TUSC3: variants seen among roughly 807,000 people sequenced by gnomAD.
TUSC3 encodes dolichyl-diphosphooligosaccharide--protein glycosyltransferase subunit TUSC3.
A neutral mutation model predicts 44.8 loss-of-function variants in TUSC3; 45 were observed. The ratio of observed to expected loss-of-function variants is 1.00; its 90% confidence interval spans 0.79 to 1.29. TUSC3 has a LOEUF of 1.29. Ranked by LOEUF, TUSC3 falls within the 50% of genes most tolerant of loss-of-function variation. TUSC3 has a pLI of 0.00. For synonymous variants in TUSC3, 212 were observed against 152.9 expected, an observed-to-expected ratio of 1.39 and a Z score of -2.85; for missense variants, 519 against 437.9, an observed-to-expected ratio of 1.19 and a Z score of -1.65.
chr8:15,440,191 G>A (rs1442780677), intron 1 of TUSC3, among the ~76,000 whole-genome samples: 1 of 152,220 alleles, frequency 6.6e-6, no homozygotes, highest in Non-Finnish European at 1.5e-5. Context: ...GGGCTGAAAG[G>A]TGAACAGAAG....
intron 1 of TUSC3, among the ~76,000 whole-genome samples, chr8:15,471,619 ATT>A (rs35294089): frequency 5.6e-5 from 8 of 142,748 alleles, no homozygotes; most frequent in Admixed American, 7.0e-5. Context: ...TCCAGTTCTG[ATT>A]TTTTTTTTTT....
At chr8:15,666,669 A>G (rs534662045) in intron 5 of TUSC3, among the ~76,000 whole-genome samples, 2 of 151,372 alleles carry the variant, frequency 1.3e-5, no homozygotes, top group Non-Finnish European at 3.0e-5. Context: ...AACTTTTAGT[A>G]TATACATATA....
intron 1 of TUSC3, among the ~76,000 whole-genome samples, chr8:15,591,070 A>G (rs919978893): frequency 1.3e-5 from 2 of 152,190 alleles, no homozygotes; most frequent in African/African-American, 4.8e-5. Context: ...GATGCTTGGC[A>G]TATAGGAGGT....
intron 1 of TUSC3, among the ~76,000 whole-genome samples, chr8:15,608,110 C>G (rs1304230052): frequency 6.6e-6 from 1 of 152,132 alleles, no homozygotes; most frequent in Non-Finnish European, 1.5e-5. Context: ...TTAATTAGCA[C>G]TATATTCACA....
intron 1 of TUSC3, among the ~76,000 whole-genome samples, chr8:15,437,282 A>G (rs1450139593): frequency 6.6e-6 from 1 of 152,212 alleles, no homozygotes; most frequent in Non-Finnish European, 1.5e-5. Flanking sequence ...ATTTCATCAG[A>G]TAAAAGCAAA....
the TUSC3 span, among the ~76,000 whole-genome samples, chr8:15,783,352 T>C: frequency 6.1e-3 from 930 of 152,282 alleles, 9 homozygotes; most frequent in African/African-American, 0.021. Context: ...GTGTCATTTT[T>C]CACAGAAATA....
chr8:15,643,619 A>C (rs1806486194), intron 2 of TUSC3, among the ~76,000 whole-genome samples: 3 of 152,202 alleles, frequency 2.0e-5, no homozygotes, highest in Admixed American at 2.0e-4. Context: ...AACAGCTTTA[A>C]GAAACACAAC....
At chr8:15,499,279 C>G (rs978670716) in intron 2 of TUSC3, among the ~76,000 whole-genome samples, 3 of 152,148 alleles carry the variant, frequency 2.0e-5, no homozygotes, top group African/African-American at 4.8e-5. Context: ...TCCTTATCAA[C>G]ATTTACTTTT....
intron 1 of TUSC3, among the ~76,000 whole-genome samples, chr8:15,595,081 C>G (rs375661550): frequency 1.3e-5 from 2 of 152,158 alleles, no homozygotes; most frequent in Non-Finnish European, 2.9e-5. Flanking sequence ...CCACCAGTCC[C>G]TCCCTTTCTC....
intron 2 of TUSC3, among the ~76,000 whole-genome samples, chr8:15,484,960 T>A (rs1400406017): frequency 6.6e-6 from 1 of 152,220 alleles, no homozygotes; most frequent in Non-Finnish European, 1.5e-5. Flanking sequence ...CTTTGGTTAT[T>A]TTCTTCTCAC....
chr8:15,436,609 A>G (rs1226460400), intron 1 of TUSC3, among the ~76,000 whole-genome samples: 1 of 152,224 alleles, frequency 6.6e-6, no homozygotes, highest in Non-Finnish European at 1.5e-5. Context: ...TATGTTAATC[A>G]TGGGTTCAGA....
chr8:15,610,747 A>G (rs13256256), intron 1 of TUSC3, among the ~76,000 whole-genome samples: 4 of 152,192 alleles, frequency 2.6e-5, no homozygotes, highest in African/African-American at 9.6e-5. Context: ...ATTAGAGCGT[A>G]AAAGTTTTAC....
chr8:15,768,317 A>G (rs1298786264), downstream of TUSC3, among the ~76,000 whole-genome samples: 1 of 152,188 alleles, frequency 6.6e-6, no homozygotes, highest in Non-Finnish European at 1.5e-5. Context: ...ACAAGCCGTG[A>G]TAACAAAACT....
upstream of TUSC3, among the ~76,000 whole-genome samples, chr8:15,537,658 G>A (rs939831340): frequency 2.0e-5 from 3 of 152,164 alleles, no homozygotes; most frequent in Admixed American, 6.5e-5. Context: ...TGGAGGGAGC[G>A]TAACTTGGAA....
chr8:15,581,388 G>T (rs1803325254), intron 1 of TUSC3, among the ~76,000 whole-genome samples: 1 of 149,780 alleles, frequency 6.7e-6, no homozygotes, highest in Non-Finnish European at 1.5e-5. Flanking sequence ...GAGGAGGAGA[G>T]GCGCTCTGCA....
chr8:15,739,231 A>T (rs1027042714), intron 7 of TUSC3, among the ~76,000 whole-genome samples: 2 of 152,064 alleles, frequency 1.3e-5, no homozygotes, highest in African/African-American at 4.8e-5. Flanking sequence ...TTTACATTTT[A>T]ATTTTTCACT....
chr8:15,628,074 C>T (rs938055508), intron 2 of TUSC3, among the ~76,000 whole-genome samples: 9 of 152,188 alleles, frequency 5.9e-5, no homozygotes, highest in South Asian at 4.1e-4. Context: ...TATATCAGTT[C>T]GTTTTCCCCT....
chr8:15,741,679 T>C (rs1317467776), intron 7 of TUSC3, among the ~76,000 whole-genome samples: 1 of 151,744 alleles, frequency 6.6e-6, no homozygotes, highest in Non-Finnish European at 1.5e-5. Flanking sequence ...AAAGTGAAAC[T>C]GTGTCTCTAA....
At chr8:15,437,884 C>A (rs1012953558) in intron 1 of TUSC3, among the ~76,000 whole-genome samples, 1 of 152,160 alleles carries the variant, frequency 6.6e-6, no homozygotes, top group Admixed American at 6.5e-5. Flanking sequence ...AATGAATGCA[C>A]CCTGTTGAGA....
Sources: allele counts gnomAD v4.1 joint callset (sites outside exome capture counted in the v4.1 genomes callset), GRCh38; gene constraint gnomAD v4.1.1; transcripts MANE v1.5; gene names NCBI Gene and HGNC (gene_info 2026-07-23, HGNC 2026-07-21).